The following CCDC178 variants were observed in gnomAD, a reference collection of about 807,000 sequenced individuals.
CCDC178 encodes coiled-coil domain containing 178.
In CCDC178, 126 loss-of-function variants were observed where a neutral mutation model predicts 117.4. The ratio of observed to expected loss-of-function variants is 1.07; its 90% confidence interval spans 0.93 to 1.24. The LOEUF (loss-of-function observed/expected upper bound fraction) is 1.24, where lower values mean the gene tolerates loss of function less well. Ranked by LOEUF, CCDC178 falls within the 50% of genes most tolerant of loss-of-function variation. The probability of loss-of-function intolerance (pLI) is 0.00; values close to 1 mark genes in which losing one functional copy is unlikely to be tolerated. For missense variants in CCDC178, 1,030 were observed against 986.9 expected (o/e 1.04, Z -0.59); for synonymous variants, 283 against 313.4 (o/e 0.90, Z 1.02).
At chr18:33,375,928 A>G (rs999865260) in intron 5 of CCDC178, among the ~76,000 whole-genome samples, 1 of 152,178 alleles carries the variant, frequency 6.6e-6, no homozygotes, top group African/African-American at 2.4e-5. Context: ...AAATTTCAGA[A>G]CAGGAGTGAA....
At chr18:33,195,773 CT>C (rs2058922747) in intron 20 of CCDC178, among the ~76,000 whole-genome samples, 1 of 152,166 alleles carries the variant, frequency 6.6e-6, no homozygotes, top group Non-Finnish European at 1.5e-5. Flanking sequence ...AGACAGAGTC[CT>C]ATGATAATAA....
At chr18:32,939,098 C>T (rs963758511) in intron 22 of CCDC178, among the ~76,000 whole-genome samples, 3 of 151,964 alleles carry the variant, frequency 2.0e-5, no homozygotes, top group African/African-American at 7.3e-5. Context: ...AGGTCCAGCT[C>T]TGGATGTCTG....
At chr18:33,404,390 A>C (rs2063753063) in intron 3 of CCDC178, among the ~76,000 whole-genome samples, 1 of 152,090 alleles carries the variant, frequency 6.6e-6, no homozygotes, top group African/African-American at 2.4e-5. Flanking sequence ...AAAAAAAATA[A>C]GTGAAATGTC....
chr18:33,099,545 T>C (rs1019808503), intron 20 of CCDC178, among the ~76,000 whole-genome samples: 3 of 151,998 alleles, frequency 2.0e-5, no homozygotes, highest in Non-Finnish European at 4.4e-5. Flanking sequence ...CCCACTTTTA[T>C]TCATGGGCAT....
chr18:33,396,791 G>A (rs998610350), intron 4 of CCDC178, among the ~76,000 whole-genome samples: 1 of 152,112 alleles, frequency 6.6e-6, no homozygotes, highest in Non-Finnish European at 1.5e-5. Context: ...TTGTTCAGGA[G>A]AGTACAGGGA....
At chr18:33,055,089 C>T (rs1056812036) in intron 21 of CCDC178, among the ~76,000 whole-genome samples, 2 of 152,120 alleles carry the variant, frequency 1.3e-5, no homozygotes, top group African/African-American at 4.8e-5. Flanking sequence ...TGAAAAGTGT[C>T]TGTTCATGTC....
At chr18:33,137,096 G>A (rs1235029608) in intron 20 of CCDC178, among the ~76,000 whole-genome samples, 2 of 152,074 alleles carry the variant, frequency 1.3e-5, no homozygotes, top group Non-Finnish European at 2.9e-5. Context: ...CCAGAGAGAA[G>A]AAAGACAAAG....
intron 20 of CCDC178, among the ~76,000 whole-genome samples, chr18:33,126,724 T>G (rs1398283956): frequency 6.6e-6 from 1 of 152,000 alleles, no homozygotes; most frequent in Non-Finnish European, 1.5e-5. Context: ...AGTGGCGCCA[T>G]CTCAGCTCAC....
chr18:33,019,419 T>C (rs1254824493), intron 21 of CCDC178, among the ~76,000 whole-genome samples: 4 of 152,212 alleles, frequency 2.6e-5, no homozygotes, highest in Non-Finnish European at 4.4e-5. Flanking sequence ...ACTCTTTTCT[T>C]ATCCTAGGTT....
At chr18:33,257,841 C>T (rs933576239) in intron 14 of CCDC178, among the ~76,000 whole-genome samples, 2 of 152,080 alleles carry the variant, frequency 1.3e-5, no homozygotes, top group Non-Finnish European at 2.9e-5. Context: ...TGTTACTTCT[C>T]ATTACCATTT....
chr18:32,974,662 C>T lies in CCDC178; in HGVS notation c.2408G>A (p.Arg803Lys), dbSNP rs754219224. Residue 803 changes from arginine to lysine, a missense_variant, in exon 22 of 23, where the codon AGG becomes AAG. Transcript: ENST00000383096. Reference sequence around the variant, plus strand: ...GTGCTCCTGCCACAGTGTGTGCATCCTTCTCTGCAGCTGACAGAGCTAAAG... The same window carrying T: ...GTGCTCCTGCCACAGTGTGTGCATCTTTCTCTGCAGCTGACAGAGCTAAAG... ...DKKQLCQLQR[R>K]MHTLWQEHFK... 6.2e-7 allele frequency: 1 copy of T among 1,613,288 alleles called. No individual in the cohort carries two copies. The highest frequency in any genetic ancestry group is 1.7e-5 in the Admixed American group (1 of 59,896).
intron 3 of CCDC178, among the ~76,000 whole-genome samples, chr18:33,400,403 C>A (rs531254193): frequency 2.0e-5 from 3 of 152,140 alleles, no homozygotes; most frequent in East Asian, 3.9e-4. Flanking sequence ...GGCTGTTTTG[C>A]CTACATTGAA....
At chr18:32,959,801 C>G (rs2054670152) in intron 22 of CCDC178, among the ~76,000 whole-genome samples, 1 of 151,874 alleles carries the variant, frequency 6.6e-6, no homozygotes, top group Non-Finnish European at 1.5e-5. Flanking sequence ...CTTTGAAAAA[C>G]TCCTCTCCCC....
intron 20 of CCDC178, among the ~76,000 whole-genome samples, chr18:33,162,922 G>A (rs2058484813): frequency 1.3e-5 from 2 of 152,014 alleles, no homozygotes; most frequent in Admixed American, 6.6e-5. Context: ...TAGGGTAGAC[G>A]GATTTATATT....
intron 3 of CCDC178, among the ~76,000 whole-genome samples, chr18:33,403,247 G>A (rs2063734245): frequency 6.6e-6 from 1 of 152,134 alleles, no homozygotes; most frequent in South Asian, 2.1e-4. Flanking sequence ...ACAGAGATTT[G>A]ATTCCAGGAA....
At chr18:32,994,801 G>T (rs2055470337) in intron 21 of CCDC178, among the ~76,000 whole-genome samples, 1 of 152,180 alleles carries the variant, frequency 6.6e-6, no homozygotes, top group African/African-American at 2.4e-5. Flanking sequence ...CCAAGCAAAA[G>T]AGAATTCAAT....
rs562334689 is a variant in CCDC178 at position 33,225,403 on chromosome 18, A to G, written c.1657-467T>C. On this transcript the variant is annotated intron_variant, in intron 16 of 22. Transcript: ENST00000383096. ...TCGAACTCCTGACCTCAAGCGATCC[A>G]CCCGCCTTGGCCTCCCAAAGTGCTG... is the stretch of plus-strand genomic sequence containing the variant. Among the ~76,000 whole-genome samples, 6 of 152,064 alleles carry G rather than the reference A, an allele frequency of 3.9e-5. No homozygotes were observed. The East Asian group carries it at 1.2e-3, about 29-fold the overall frequency.
intron 22 of CCDC178, among the ~76,000 whole-genome samples, chr18:32,971,138 G>A (rs1249161472): frequency 6.6e-6 from 1 of 151,784 alleles, no homozygotes. Context: ...AGCCCTGCGT[G>A]CATTAGGTAT....
intron 20 of CCDC178, among the ~76,000 whole-genome samples, chr18:33,099,434 T>C (rs1441610936): frequency 1.3e-5 from 2 of 151,934 alleles, no homozygotes; most frequent in Non-Finnish European, 2.9e-5. Context: ...AAAGCAGGTA[T>C]TGGTGCGGAG....
Sources: gnomAD v4.1 joint callset for allele counts (sites outside exome capture counted in the v4.1 genomes callset) on GRCh38, gnomAD v4.1.1 for gene constraint, MANE v1.5 for transcripts, NCBI Gene and HGNC (gene_info 2026-07-23, HGNC 2026-07-21) for gene names.